ASTN2: variants seen among roughly 807,000 people sequenced by gnomAD.
ASTN2 encodes the protein astrotactin-2.
Under a neutral mutation model 139.8 loss-of-function variants are expected in ASTN2, and 54 were observed. That is an observed-to-expected ratio of 0.39 (90% CI 0.31 to 0.48). The LOEUF is 0.48. ASTN2 is among the 20% of genes least tolerant of loss of function. The probability of loss-of-function intolerance (pLI) is 0.95; values close to 1 mark genes in which losing one functional copy is unlikely to be tolerated. For synonymous variants in ASTN2, 756 were observed against 719.5 expected (o/e 1.05, Z -0.81); for missense variants, 1,565 against 1,725.1 (o/e 0.91, Z 1.64).
intron 7 of ASTN2, among the ~76,000 whole-genome samples, chr9:117,007,778 T>C (rs1837399290): frequency 6.6e-6 from 1 of 152,146 alleles, no homozygotes. Context: ...TTGCTCAAGA[T>C]CACCCAGCTA....
intron 16 of ASTN2, among the ~76,000 whole-genome samples, chr9:116,669,110 T>G (rs803905): frequency 6.6e-6 from 1 of 151,950 alleles, no homozygotes; most frequent in African/African-American, 2.4e-5. Context: ...ATAAGACATG[T>G]CCACCAGTGT....
chr9:117,118,826 G>C (rs2132807997), intron 4 of ASTN2, among the ~76,000 whole-genome samples: 1 of 151,978 alleles, frequency 6.6e-6, no homozygotes, highest in East Asian at 1.9e-4. Context: ...CTACAATGTT[G>C]TTTCTCCACA....
intron 1 of ASTN2, among the ~76,000 whole-genome samples, chr9:117,376,031 A>T (rs1006896475): frequency 6.6e-6 from 1 of 152,170 alleles, no homozygotes. Context: ...GGGCCCACCT[A>T]GATAATCCAG....
intron 22 of ASTN2, among the ~76,000 whole-genome samples, chr9:116,430,787 G>C (rs1436910478): frequency 6.6e-6 from 1 of 152,254 alleles, no homozygotes; most frequent in African/African-American, 2.4e-5. Context: ...AAGCCATGGA[G>C]AGAAGGGTTG....
chr9:116,706,973 A>G (rs1828005204), intron 16 of ASTN2, among the ~76,000 whole-genome samples: 1 of 151,824 alleles, frequency 6.6e-6, no homozygotes, highest in Admixed American at 6.6e-5. Flanking sequence ...CTTGGTCGAG[A>G]CTTACCTGTG....
intron 16 of ASTN2, among the ~76,000 whole-genome samples, chr9:116,704,827 G>A (rs1827948811): frequency 6.6e-6 from 1 of 152,006 alleles, no homozygotes; most frequent in African/African-American, 2.4e-5. Context: ...TAATTAAGAT[G>A]GCATCTTGAC....
chr9:116,426,840 TTAAG>T (rs1847323401), intron 22 of ASTN2, among the ~76,000 whole-genome samples: 1 of 152,110 alleles, frequency 6.6e-6, no homozygotes, highest in Non-Finnish European at 1.5e-5. Context: ...TATCCTCAAG[TTAAG>T]TAAGAGAAAT....
intron 1 of ASTN2, among the ~76,000 whole-genome samples, chr9:117,314,951 CACATA>C (rs56075815): frequency 0.3 from 44,380 of 145,670 alleles, 7,706 homozygotes; most frequent in East Asian, 0.48. Context: ...ATATAATATA[CACATA>C]ACATAATATT....
chr9:117,376,913 G>A (rs1009763303), intron 1 of ASTN2, among the ~76,000 whole-genome samples: 45 of 152,148 alleles, frequency 3.0e-4, no homozygotes, highest in African/African-American at 9.9e-4. Flanking sequence ...AAGACAGACC[G>A]CTAGCTGTGC....
chr9:116,706,567 C>T (rs964050291), intron 16 of ASTN2, among the ~76,000 whole-genome samples: 3 of 151,970 alleles, frequency 2.0e-5, no homozygotes, highest in African/African-American at 7.3e-5. Context: ...AGTGATAAAC[C>T]TTTTCATATC....
intron 2 of ASTN2, among the ~76,000 whole-genome samples, chr9:117,230,844 T>A (rs185949577): frequency 5.9e-5 from 9 of 152,252 alleles, no homozygotes; most frequent in Admixed American, 5.9e-4. Context: ...GGCTGTGGAC[T>A]GAAAACAATA....
In ASTN2 at chr9:116,565,098, A is replaced by G. The variant is rs570127122; in HGVS notation, c.3355+53226T>C. On this transcript the variant is annotated intron_variant, in intron 19 of 22. Coordinates refer to ENST00000313400, the MANE Select transcript of ASTN2 (RefSeq NM_001365068.1). ...TACAATATTTTCTAGTCTATTTCAT[A>G]TATTTTCCATCCCAACCTAGTGTGA... is the stretch of plus-strand genomic sequence containing the variant. Among the ~76,000 whole-genome samples the G allele has an allele frequency of 2.6e-5, 4 of 151,782 alleles. No individual in the cohort carries two copies. In the East Asian group the frequency reaches 5.8e-4, roughly 22 times the overall value.
chr9:117,202,019 G>C (rs1372576187), intron 3 of ASTN2, among the ~76,000 whole-genome samples: 1 of 152,152 alleles, frequency 6.6e-6, no homozygotes, highest in Non-Finnish European at 1.5e-5. Context: ...GAATCTGGGT[G>C]CTCCTGTATT....
chr9:117,019,679 T>G (rs1418747440), intron 6 of ASTN2, among the ~76,000 whole-genome samples: 1 of 152,124 alleles, frequency 6.6e-6, no homozygotes, highest in African/African-American at 2.4e-5. Flanking sequence ...ATATGTCGCA[T>G]GAAAGGTGAA....
chr9:116,847,019 AAAAAAAACAAAAAAC>A (rs1289472163), intron 11 of ASTN2, among the ~76,000 whole-genome samples: 2 of 144,732 alleles, frequency 1.4e-5, no homozygotes, highest in African/African-American at 5.3e-5. Context: ...AAAAAAAAAA[AAAAAAAACAAAAAAC>A]AAAAAACAAA....
At chr9:117,123,620 G>A (rs1340125033) in intron 4 of ASTN2, among the ~76,000 whole-genome samples, 2 of 152,164 alleles carry the variant, frequency 1.3e-5, no homozygotes, top group Non-Finnish European at 2.9e-5. Context: ...CTGGCTGAAT[G>A]TAAGAGGCTG....
chr9:117,324,389 C>G (rs916182120), intron 1 of ASTN2, among the ~76,000 whole-genome samples: 2 of 152,122 alleles, frequency 1.3e-5, no homozygotes, highest in Non-Finnish European at 2.9e-5. Context: ...CTGAAGTGAC[C>G]TCAAGAAACT....
intron 5 of ASTN2, among the ~76,000 whole-genome samples, chr9:117,074,311 A>C (rs1828216734): frequency 6.6e-6 from 1 of 152,214 alleles, no homozygotes; most frequent in South Asian, 2.1e-4. Context: ...GAAAGGAACG[A>C]GGGTTTGATG....
At chr9:117,267,989 C>T (rs555828648) in intron 2 of ASTN2, among the ~76,000 whole-genome samples, 5 of 152,262 alleles carry the variant, frequency 3.3e-5, no homozygotes, top group East Asian at 1.9e-4. Context: ...CCAATCATTG[C>T]ATTTCATTTG....
Sources: gnomAD v4.1 joint callset for allele counts (sites outside exome capture counted in the v4.1 genomes callset) on GRCh38, gnomAD v4.1.1 for gene constraint, MANE v1.5 for transcripts, NCBI Gene and HGNC (gene_info 2026-07-23, HGNC 2026-07-21) for gene names.